MGARP: variants seen among roughly 807,000 people sequenced by gnomAD.
MGARP encodes the protein mitochondria localized glutamic acid rich protein, also known as protein MGARP.
Under a neutral mutation model 11.0 loss-of-function variants are expected in MGARP, and 12 were observed. The observed-to-expected ratio is 1.09, with a 90% confidence interval of 0.70 to 1.77. MGARP has a LOEUF of 1.77. MGARP is among the 40% of genes most tolerant of loss of function. The probability of loss-of-function intolerance (pLI) is 0.00; values close to 1 mark genes in which losing one functional copy is unlikely to be tolerated. For missense variants in MGARP, 283 were observed against 297.8 expected, an observed-to-expected ratio of 0.95 and a Z score of 0.36; for synonymous variants, 110 against 115.4, an observed-to-expected ratio of 0.95 and a Z score of 0.30.
chr4:139,278,157 G>A (rs1744901172), intron 1 of MGARP, among the ~76,000 whole-genome samples: 1 of 152,158 alleles, frequency 6.6e-6, no homozygotes, highest in South Asian at 2.1e-4. Flanking sequence ...GATCCGGGAG[G>A]CGGAGGTTGT....
Position 139,266,978 on chromosome 4 carries a change from A to T in MGARP, c.344T>A (p.Val115Glu). 3 of 1,614,086 alleles carry T rather than the reference A, an allele frequency of 1.9e-6. No homozygotes were observed. The highest frequency in any genetic ancestry group is 2.5e-6 in the Non-Finnish European group (3 of 1,180,004). The change falls in exon 4 of 4, where the codon GTG (valine) becomes GAG (glutamate). Residue 115 changes from valine (V) to glutamate (E), a missense_variant. Val to Glu is a moderately radical substitution (Grantham distance 121). Transcript: ENST00000398955. ...TTCAGCATCTACCACCTCAGCTTCCACTATAAGTTCTTCTGGGGCTTCTGA... is the reference window on the plus strand; with the variant it reads ...TTCAGCATCTACCACCTCAGCTTCCTCTATAAGTTCTTCTGGGGCTTCTGA... The part of the protein sequence containing the change: ...ASSEAPEELI[V>E]EAEVVDAEES...
chr4:139,273,938 T>C (rs1744827433), intron 2 of MGARP, among the ~76,000 whole-genome samples: 1 of 152,250 alleles, frequency 6.6e-6, no homozygotes, highest in Non-Finnish European at 1.5e-5. Context: ...ATCTCACTAT[T>C]AAAACCTTTG....
At chr4:139,267,690 G>C (rs1744717975) in intron 3 of MGARP, among the ~76,000 whole-genome samples, 1 of 152,182 alleles carries the variant, frequency 6.6e-6, no homozygotes, top group Non-Finnish European at 1.5e-5. Context: ...TCAATAATAT[G>C]TATTGATGAT....
chr4:139,275,722 C>A (rs1273568046), intron 1 of MGARP, among the ~76,000 whole-genome samples: 15 of 152,138 alleles, frequency 9.9e-5, no homozygotes, highest in Admixed American at 9.8e-4. Context: ...AAGAGAAAGC[C>A]ATGTACTATA....
chr4:139,270,328 G>T (rs1197390755), intron 2 of MGARP, among the ~76,000 whole-genome samples: 1 of 148,588 alleles, frequency 6.7e-6, no homozygotes. Flanking sequence ...AGAAAGAAAA[G>T]AAAAGAAAAT....
In MGARP at chr4:139,266,840, G is replaced by A; in HGVS notation, c.482C>T (p.Thr161Ile). Residue 161 changes from threonine (T) to isoleucine (I), a missense_variant, in exon 4 of 4, where the codon ACA (threonine) becomes ATA (isoleucine). Physicochemically the swap from Thr to Ile is moderately conservative, Grantham distance 89. Coordinates refer to ENST00000398955, the MANE Select transcript of MGARP (RefSeq NM_032623.4). ...AVSAETGPEV[T>I]DAAARETTEV... Reference sequence around the variant, plus strand: ...CGTGGTTTCCCTCGCCGCTGCATCTGTGACCTCTGGCCCGGTTTCAGCACT... The same window carrying A: ...CGTGGTTTCCCTCGCCGCTGCATCTATGACCTCTGGCCCGGTTTCAGCACT... 6.2e-7 allele frequency: 1 copy of A among 1,614,176 alleles called. No individual in the cohort carries two copies.
chr4:139,267,192 G>A, intron 3 of MGARP, 151 bp from the exon 4 acceptor site: 1 of 796,436 alleles, frequency 1.3e-6, no homozygotes, highest in Non-Finnish European at 2.0e-6. Flanking sequence ...AGCAAAAAAA[G>A]AACAATGTAT....
chr4:139,275,467 A>C, intron 1 of MGARP, 75 bp from the exon 2 acceptor site: 1 of 1,201,284 alleles, frequency 8.3e-7, no homozygotes, highest in African/African-American at 1.5e-5. Context: ...CATCTTTCAA[A>C]ATTTTTCTAC....
chr4:139,276,888 T>G (rs1744883215), intron 1 of MGARP, among the ~76,000 whole-genome samples: 1 of 152,092 alleles, frequency 6.6e-6, no homozygotes, highest in Non-Finnish European at 1.5e-5. Flanking sequence ...GTGTTTTGGG[T>G]TTTGGATATT....
At chr4:139,279,526 C>T (rs998230188) in intron 1 of MGARP, among the ~76,000 whole-genome samples, 3 of 152,124 alleles carry the variant, frequency 2.0e-5, no homozygotes, top group Non-Finnish European at 2.9e-5. Context: ...TGCTGAGACC[C>T]TGCCAAGGGT....
rs770063951 is a variant in MGARP at position 139,266,819 on chromosome 4, G to C, written c.503C>G (p.Thr168Ser). 6.2e-7 allele frequency: 1 copy of C among 1,614,128 alleles called. No individual in the cohort carries two copies. The highest frequency in any genetic ancestry group is 8.5e-7 in the Non-Finnish European group (1 of 1,180,030). ...GGTTGTTTCAGGGTTTACTTCCGTG[G>C]TTTCCCTCGCCGCTGCATCTGTGAC... ...PEVTDAAARE[T>S]TEVNPETTPE... Residue 168 changes from threonine (T) to serine (S), a missense_variant, in exon 4 of 4, where the codon ACC becomes AGC. By Grantham distance (58) the Thr-to-Ser change is moderately conservative (BLOSUM62 1). Transcript: ENST00000398955.
At chr4:139,275,264 G>T in intron 2 of MGARP, 25 bp downstream of exon 2, 5 of 1,568,830 alleles carry the variant, frequency 3.2e-6, no homozygotes, top group Non-Finnish European at 4.4e-6. Context: ...GAATTCTTGA[G>T]CACTGTGGTT....
Position 139,266,825 on chromosome 4 carries a change from C to T in MGARP, c.497G>A (p.Arg166Lys), listed in dbSNP as rs1271677840. Residue 166 changes from arginine (R) to lysine (K), a missense_variant, in exon 4 of 4, where the codon AGG becomes AAG. Transcript: ENST00000398955. ...TGPEVTDAAA[R>K]ETTEVNPETT... is the part of the protein sequence containing the mutation. Reference sequence around the variant, plus strand: ...TTCAGGGTTTACTTCCGTGGTTTCCCTCGCCGCTGCATCTGTGACCTCTGG... The same window carrying T: ...TTCAGGGTTTACTTCCGTGGTTTCCTTCGCCGCTGCATCTGTGACCTCTGG... 8 of 1,614,002 alleles carry T rather than the reference C, an allele frequency of 5.0e-6. No homozygotes were observed. The highest frequency in any genetic ancestry group is 6.8e-6 in the Non-Finnish European group (8 of 1,180,042).
At chr4:139,267,983 G>A (rs868418573) in intron 3 of MGARP, among the ~76,000 whole-genome samples, 7 of 152,214 alleles carry the variant, frequency 4.6e-5, no homozygotes, top group Middle Eastern at 3.4e-3. Flanking sequence ...TGGGTGTAGC[G>A]GTGCATGCTT....
intron 2 of MGARP, among the ~76,000 whole-genome samples, chr4:139,271,872 G>A (rs561505860): frequency 3.9e-5 from 6 of 152,274 alleles, no homozygotes; most frequent in South Asian, 4.1e-4. Context: ...GGTTCTCAGG[G>A]ATGGCTGGTT....
chr4:139,270,623 A>G (rs116281597), intron 2 of MGARP, among the ~76,000 whole-genome samples: 2,662 of 151,336 alleles, frequency 0.018, 42 homozygotes, highest in African/African-American at 0.036. Context: ...AAAAAAAAAA[A>G]AAAAGAAAAG....
At position 139,276,879 on chromosome 4, in the gene MGARP, T is replaced by G. The variant is rs575440222; in HGVS notation, c.83-1487A>C. 3.3e-5 allele frequency among the ~76,000 whole-genome samples: 5 copies of G among 152,130 alleles called. No individual in the cohort carries two copies. In the South Asian group the frequency reaches 1.0e-3, roughly 32 times the overall value. ...AAAATAAAATGCTTGGGACCAGAAG[T>G]GTTTTGGGTTTTGGATATTCTTTAT... On this transcript the variant is annotated intron_variant, in intron 1 of 3. Coordinates refer to ENST00000398955, the MANE Select transcript of MGARP (RefSeq NM_032623.4).
At position 139,268,777 on chromosome 4, in the gene MGARP, T is replaced by C. The variant is rs771862598; in HGVS notation, c.187-12A>G. 1.9e-6 allele frequency: 3 copies of C among 1,586,858 alleles called. No homozygotes were observed. The highest frequency in any genetic ancestry group is 3.5e-5 in the Admixed American group (2 of 57,020). ...ACTGTCTTGTAAGCCTGAAAGTAAA[T>C]GTATGCTTAGGTTTATTTCTTGAGC... On this transcript the variant is annotated splice_polypyrimidine_tract_variant and intron_variant, in intron 2 of 3. Coordinates refer to ENST00000398955, the MANE Select transcript of MGARP (RefSeq NM_032623.4).
Position 139,268,749 on chromosome 4 carries a change from G to GTGAC in MGARP, c.199_202dup (p.Thr68SerfsTer12). 1 of 1,609,048 alleles carries GTGAC rather than the reference G, an allele frequency of 6.2e-7. No individual in the cohort carries two copies. Among genetic ancestry groups the GTGAC allele is most frequent in the Non-Finnish European group, 8.5e-7 (1 of 1,178,218 alleles). ...TTCTGTGTGTTTGGCTTGGTCTGATGTGACTGTCTTGTAAGCCTGAAAGTA... is the reference window on the plus strand; with the variant it reads ...TTCTGTGTGTTTGGCTTGGTCTGATGTGACTGACTGTCTTGTAAGCCTGAAAGTA... On this transcript the variant is annotated frameshift_variant, in exon 3 of 4. Coordinates refer to ENST00000398955, the MANE Select transcript of MGARP (RefSeq NM_032623.4). LOFTEE classifies it high-confidence loss of function.
Sources: gnomAD v4.1 joint callset for allele counts (sites outside exome capture counted in the v4.1 genomes callset) on GRCh38, gnomAD v4.1.1 for gene constraint, MANE v1.5 for transcripts, NCBI Gene and HGNC (gene_info 2026-07-23, HGNC 2026-07-21) for gene names.